DACH2: variants seen among roughly 807,000 people sequenced by gnomAD.
The protein encoded by DACH2 is dachshund family transcription factor 2.
A neutral mutation model predicts 35.8 loss-of-function variants in DACH2; 17 were observed. That is an observed-to-expected ratio of 0.48 (90% CI 0.33 to 0.71). The LOEUF (loss-of-function observed/expected upper bound fraction) is 0.71. Ranked by LOEUF, DACH2 falls within the 30% of genes least tolerant of loss-of-function variation. DACH2 has a pLI of 0.02. For synonymous variants in DACH2, 195 were observed against 177.3 expected (o/e 1.10, Z -0.79); for missense variants, 469 against 472.7 (o/e 0.99, Z 0.07).
rs776114292 is a variant in DACH2, at chrX:86,535,745, C to A, written c.640+21354C>A. On this transcript the variant is annotated intron_variant, in intron 3 of 11. Coordinates refer to ENST00000373125, the MANE Select transcript of DACH2 (RefSeq NM_053281.3). ...CGGTAGGCTTTATTGAGCAGAGTGACAGTACAAAGCTTCCACAGCCTGGAA... is the reference window on the plus strand; with the variant it reads ...CGGTAGGCTTTATTGAGCAGAGTGAAAGTACAAAGCTTCCACAGCCTGGAA... 3.6e-5 allele frequency among the ~76,000 whole-genome samples: 4 copies of A among 110,426 alleles called. No homozygotes were observed. The East Asian group carries it at 1.1e-3, about 32-fold the overall frequency.
chrX:86,534,757 T>C (rs186478632), intron 3 of DACH2, among the ~76,000 whole-genome samples: 112 of 112,101 alleles, frequency 1.0e-3, no homozygotes, highest in African/African-American at 3.4e-3. Flanking sequence ...GGTTTTATTA[T>C]TGTATGTCTT....
intron 2 of DACH2, among the ~76,000 whole-genome samples, chrX:86,475,335 CT>C (rs756394219): frequency 9.0e-6 from 1 of 111,192 alleles, no homozygotes; most frequent in Non-Finnish European, 1.9e-5. Context: ...AAAGGAATAT[CT>C]TTTTTGTGTA....
At chrX:86,198,626 A>T (rs1221472834) in intron 1 of DACH2, among the ~76,000 whole-genome samples, 2 of 111,989 alleles carry the variant, frequency 1.8e-5, no homozygotes, top group Non-Finnish European at 3.8e-5. Context: ...ATCACATAAT[A>T]TTATGAATAC....
At chrX:86,242,138 G>T in intron 1 of DACH2, among the ~76,000 whole-genome samples, 2 of 112,320 alleles carry the variant, frequency 1.8e-5, no homozygotes, top group Middle Eastern at 4.6e-3. Context: ...CTATCCTCCA[G>T]ACCCCAGAAT....
intron 7 of DACH2, among the ~76,000 whole-genome samples, chrX:86,749,969 A>G (rs1401368843): frequency 9.0e-6 from 1 of 111,170 alleles, no homozygotes; most frequent in African/African-American, 3.3e-5. Flanking sequence ...ATGGTTTTAT[A>G]TAGATTCTTT....
chrX:86,313,855 A>T (rs1400058675), intron 1 of DACH2, among the ~76,000 whole-genome samples: 2 of 111,688 alleles, frequency 1.8e-5, no homozygotes, highest in African/African-American at 6.5e-5. Context: ...CAATTATTTC[A>T]TCACTATATT....
intron 2 of DACH2, among the ~76,000 whole-genome samples, chrX:86,391,282 T>TAA (rs55941702): frequency 1.6e-3 from 34 of 21,432 alleles, no homozygotes; most frequent in Non-Finnish European, 2.3e-3. Flanking sequence ...GGCTCTGTCT[T>TAA]AAAAAAAAAA....
At chrX:86,320,595 A>G (rs1429374575) in intron 1 of DACH2, among the ~76,000 whole-genome samples, 1 of 112,159 alleles carries the variant, frequency 8.9e-6, no homozygotes, top group Non-Finnish European at 1.9e-5. Flanking sequence ...TGGGGTGTAA[A>G]CAGTTAAGTT....
intron 7 of DACH2, among the ~76,000 whole-genome samples, chrX:86,747,215 G>A (rs5968981): frequency 0.074 from 8,277 of 111,217 alleles, 724 homozygotes; most frequent in African/African-American, 0.26. Flanking sequence ...TTTCTGATAA[G>A]ATATCAACTG....
At chrX:86,551,254 G>A (rs2039045012) in intron 3 of DACH2, among the ~76,000 whole-genome samples, 1 of 111,492 alleles carries the variant, frequency 9.0e-6, no homozygotes, top group Admixed American at 9.6e-5. Context: ...GATGTTCATA[G>A]CCCTTGGTCC....
In DACH2 at chrX:86,326,486, CAT is replaced by C. The variant is rs1425454104; in HGVS notation, c.489-50336_489-50335del. Among the ~76,000 whole-genome samples, 637 of 80,597 alleles carry C rather than the reference CAT, an allele frequency of 7.9e-3. 1 individual carries two copies. Among genetic ancestry groups the C allele is most frequent in the South Asian group, 0.015 (17 of 1,140 alleles). 70.0% of individuals were successfully genotyped at this position (80,597 alleles called of 115,157 possible). On this transcript the variant is annotated intron_variant, in intron 1 of 11. Transcript: ENST00000373125. Reference sequence around the variant, plus strand: ...ACTCTGTAAAAGTTAAAAAATTATACATACACACACACACACACACACACACA... The same window carrying C: ...ACTCTGTAAAAGTTAAAAAATTATACACACACACACACACACACACACACA...
chrX:86,535,388 C>T (rs946527289), intron 3 of DACH2, among the ~76,000 whole-genome samples: 1 of 111,559 alleles, frequency 9.0e-6, no homozygotes, highest in Non-Finnish European at 1.9e-5. Context: ...CTAAGCCCCC[C>T]AGCCAATTGA....
intron 4 of DACH2, among the ~76,000 whole-genome samples, chrX:86,652,259 C>T (rs949165593): frequency 8.9e-6 from 1 of 112,106 alleles, no homozygotes; most frequent in Non-Finnish European, 1.9e-5. Flanking sequence ...CATCCATGTT[C>T]CTGCAAAGGA....
intron 3 of DACH2, among the ~76,000 whole-genome samples, chrX:86,636,162 C>G (rs1314082737): frequency 9.0e-6 from 1 of 110,995 alleles, no homozygotes; most frequent in Non-Finnish European, 1.9e-5. Context: ...AAACAGCATG[C>G]TAGGCTGGGC....
At chrX:86,481,434 A>C (rs1277511691) in intron 2 of DACH2, 4 of 112,013 alleles carry the variant, frequency 3.6e-5, no homozygotes, top group Non-Finnish European at 7.5e-5. Flanking sequence ...ACACATGCTT[A>C]TAAAAATTCC....
chrX:86,192,015 T>C (rs2031847810), intron 1 of DACH2, among the ~76,000 whole-genome samples: 1 of 111,860 alleles, frequency 8.9e-6, no homozygotes, highest in African/African-American at 3.2e-5. Flanking sequence ...TTTATTCTTA[T>C]TGTGTTTCCC....
intron 1 of DACH2, among the ~76,000 whole-genome samples, chrX:86,165,283 T>C (rs2030906454): frequency 8.9e-6 from 1 of 111,757 alleles, no homozygotes; most frequent in Admixed American, 9.5e-5. Flanking sequence ...AGTGCTGTAA[T>C]GAACAAGGGA....
chrX:86,444,463 C>T (rs1022792771), intron 2 of DACH2, among the ~76,000 whole-genome samples: 1 of 111,380 alleles, frequency 9.0e-6, no homozygotes, highest in Non-Finnish European at 1.9e-5. Context: ...GATAGTAAAC[C>T]TTTTATTACT....
intron 1 of DACH2, among the ~76,000 whole-genome samples, chrX:86,159,793 A>G (rs1257829820): frequency 1.8e-5 from 2 of 111,866 alleles, no homozygotes; most frequent in African/African-American, 6.5e-5. Flanking sequence ...AGAGTAAACA[A>G]TACATATAAT....
Sources: gnomAD v4.1 joint callset for allele counts (sites outside exome capture counted in the v4.1 genomes callset) on GRCh38, gnomAD v4.1.1 for gene constraint, MANE v1.5 for transcripts, NCBI Gene and HGNC (gene_info 2026-07-23, HGNC 2026-07-21) for gene names.